The following PCDHA12 variants were observed in gnomAD, a reference collection of about 807,000 sequenced individuals.
The protein encoded by PCDHA12 is protocadherin alpha 12.
Under a neutral mutation model 60.0 loss-of-function variants are expected in PCDHA12, and 44 were observed. The ratio of observed to expected loss-of-function variants is 0.73; its 90% CI spans 0.58 to 0.94. The LOEUF (loss-of-function observed/expected upper bound fraction) is 0.94, where lower values mean the gene tolerates loss of function less well. Ranked by LOEUF, PCDHA12 falls within the 40% of genes least tolerant of loss-of-function variation. The pLI, the probability that PCDHA12 is intolerant of heterozygous loss-of-function variation, is 0.00. For synonymous variants in PCDHA12, 569 were observed against 553.0 expected, an observed-to-expected ratio of 1.03 and a Z score of -0.40; for missense variants, 1,276 against 1,239.7, an observed-to-expected ratio of 1.03 and a Z score of -0.44.
In PCDHA12 at chr5:140,993,460, T is replaced by TCCCA. The variant is rs1554253699; in HGVS notation, c.2515+10898_2515+10899insCCAC. On this transcript the variant is annotated intron_variant, in intron 3 of 3. Transcript: ENST00000398631. Reference sequence around the variant, plus strand: ...TTCATTCCTGTTCTCCTTCTTTCTTTCTCACACACACACACACACACACAC... The same window carrying TCCCA: ...TTCATTCCTGTTCTCCTTCTTTCTTTCCCACTCACACACACACACACACACACAC... Among the ~76,000 whole-genome samples, 30 of 104,506 alleles carry TCCCA rather than the reference T, an allele frequency of 2.9e-4. 1 individual carries two copies. The highest frequency in any genetic ancestry group is 1.1e-3 in the African/African-American group (29 of 25,484). The allele number at this position is 104,506 out of a possible 152,430, so 68.6% of individuals were successfully genotyped here.
intron 3 of PCDHA12, among the ~76,000 whole-genome samples, chr5:140,994,140 A>G (rs768317904): frequency 7.2e-5 from 11 of 152,230 alleles, no homozygotes; most frequent in Non-Finnish European, 1.5e-4. Context: ...ATAATGCCCT[A>G]CGTAGGTAGG....
At chr5:140,953,952 C>T (rs1025145135) in intron 1 of PCDHA12, among the ~76,000 whole-genome samples, 1 of 152,084 alleles carries the variant, frequency 6.6e-6, no homozygotes, top group Non-Finnish European at 1.5e-5. Context: ...GCTCCCCCAA[C>T]AGGCCCCAGT....
chr5:140,938,014 T>C (rs1554211943), intron 1 of PCDHA12, among the ~76,000 whole-genome samples: 6 of 152,220 alleles, frequency 3.9e-5, no homozygotes. Context: ...TCTTGCTAAA[T>C]AGTAAAATCT....
chr5:140,893,929 T>C (rs2064240374), intron 1 of PCDHA12, among the ~76,000 whole-genome samples: 1 of 152,214 alleles, frequency 6.6e-6, no homozygotes, highest in South Asian at 2.1e-4. Flanking sequence ...TCAGAATCTC[T>C]ACCTGTTAAT....
intron 1 of PCDHA12, among the ~76,000 whole-genome samples, chr5:140,910,717 T>C (rs1349205242): frequency 1.3e-5 from 2 of 152,142 alleles, no homozygotes; most frequent in African/African-American, 4.8e-5. Flanking sequence ...CATCTTTTAA[T>C]CCATATTTCA....
At chr5:140,888,321 A>G (rs2061786627) in intron 1 of PCDHA12, among the ~76,000 whole-genome samples, 1 of 152,176 alleles carries the variant, frequency 6.6e-6, no homozygotes, top group Non-Finnish European at 1.5e-5. Flanking sequence ...ATGCCTGGAT[A>G]CATTTTTGGT....
chr5:140,886,996 T>C (rs1554182808), intron 1 of PCDHA12, among the ~76,000 whole-genome samples: 1 of 152,182 alleles, frequency 6.6e-6, no homozygotes, highest in African/African-American at 2.4e-5. Flanking sequence ...AATTTCCAGT[T>C]GGTATCACTT....
chr5:140,935,389 C>T (rs559765340), intron 1 of PCDHA12, among the ~76,000 whole-genome samples: 20 of 152,288 alleles, frequency 1.3e-4, no homozygotes, highest in African/African-American at 4.8e-4. Flanking sequence ...CATTTGTTAT[C>T]CCACGGGACT....
At chr5:140,966,950 G>A (rs782713044) in intron 1 of PCDHA12, 3 of 1,603,480 alleles carry the variant, frequency 1.9e-6, no homozygotes, top group Non-Finnish European at 2.5e-6. Flanking sequence ...GGGCAACGTG[G>A]CTCGCGCGCT....
At chr5:140,936,433 G>A (rs907839925) in intron 1 of PCDHA12, among the ~76,000 whole-genome samples, 4 of 152,126 alleles carry the variant, frequency 2.6e-5, no homozygotes, top group Admixed American at 2.6e-4. Flanking sequence ...ATTAATTTAA[G>A]CTTAAATAAC....
intron 1 of PCDHA12, chr5:140,928,771 A>C: frequency 6.2e-7 from 1 of 1,613,998 alleles, no homozygotes; most frequent in Non-Finnish European, 8.5e-7. Context: ...AGTTCTTCCC[A>C]CTGATGCAGT....
chr5:140,982,882 C>A (rs1554244920), intron 3 of PCDHA12, among the ~76,000 whole-genome samples: 1 of 151,972 alleles, frequency 6.6e-6, no homozygotes, highest in African/African-American at 2.4e-5. Flanking sequence ...CCAAGCCATG[C>A]AGAGAAGATC....
At chr5:140,885,981 G>A (rs536900560) in intron 1 of PCDHA12, among the ~76,000 whole-genome samples, 44 of 151,942 alleles carry the variant, frequency 2.9e-4, no homozygotes, top group African/African-American at 8.4e-4. Context: ...TTATAGATTC[G>A]CATGTGGTTG....
intron 1 of PCDHA12, among the ~76,000 whole-genome samples, chr5:140,977,165 T>C (rs921089293): frequency 1.3e-5 from 2 of 152,156 alleles, no homozygotes; most frequent in Non-Finnish European, 2.9e-5. Context: ...TTCAGCAAAA[T>C]GAGTTTGATG....
chr5:140,877,593 G>A lies in PCDHA12; in HGVS notation c.2121G>A (p.Val707=). Residue 707 remains valine (V), a synonymous_variant, in exon 1 of 4, where the codon GTG becomes GTA. Coordinates refer to ENST00000398631, the MANE Select transcript of PCDHA12 (RefSeq NM_018903.4). ...NVYLIIAICA[V]SSLLVLTLLL... is the part of the protein sequence containing the mutation. ...ACCTCATCATCGCCATCTGTGCGGT[G>A]TCCAGCCTGCTGGTGCTCACGCTGC... The A allele has an allele frequency of 1.2e-6, 2 of 1,613,854 alleles. No individual in the cohort carries two copies. The highest frequency in any genetic ancestry group is 1.7e-6 in the Non-Finnish European group (2 of 1,179,906).
intron 1 of PCDHA12, among the ~76,000 whole-genome samples, chr5:140,910,738 C>G (rs2075147470): frequency 6.6e-6 from 1 of 152,098 alleles, no homozygotes; most frequent in Non-Finnish European, 1.5e-5. Context: ...GCTAACCAAG[C>G]ACATAAATTA....
chr5:140,926,585 G>T, intron 1 of PCDHA12: 1 of 283,896 alleles, frequency 3.5e-6, no homozygotes, highest in Non-Finnish European at 6.5e-6. Flanking sequence ...CACCTCTCGC[G>T]CCCGGGCGGG....
rs782144486 is a variant in PCDHA12, at chr5:140,875,746, C to A, written c.274C>A (p.Arg92Ser). ...TTTGTTTGTGAATTCTCGGATCGAC[C>A]GCGAGAAGCTGTGCGGGCGGAGCGC... is the stretch of plus-strand genomic sequence containing the variant. ...GILFVNSRIDREKLCGRSAEC... is the reference protein window; with the variant it reads ...GILFVNSRIDSEKLCGRSAEC... Residue 92 changes from arginine to serine, a missense_variant, in exon 1 of 4, where the codon CGC becomes AGC. Coordinates refer to ENST00000398631, the MANE Select transcript of PCDHA12 (RefSeq NM_018903.4). 7.4e-6 allele frequency: 12 copies of A among 1,614,096 alleles called. No homozygotes were observed. In the East Asian group the frequency reaches 2.0e-4, roughly 27 times the overall value.
At position 140,875,484 on chromosome 5, in the gene PCDHA12, C is replaced by T. The variant is rs1442383636; in HGVS notation, c.12C>T (p.Ile4=). The T allele has an allele frequency of 1.2e-6, 2 of 1,611,246 alleles. No individual in the cohort carries two copies. The highest frequency in any genetic ancestry group is 1.7e-6 in the Non-Finnish European group (2 of 1,178,432). Residue 4 remains isoleucine, a synonymous_variant, in exon 1 of 4, where the codon ATC becomes ATT. Coordinates refer to ENST00000398631, the MANE Select transcript of PCDHA12 (RefSeq NM_018903.4). ...CCTCATTTTCTGCAATGGTGATTAT[C>T]GGACCAAGAGGCCCGGGATCCCAGC... MVI[I]GPRGPGSQRL...
Sources: allele counts gnomAD v4.1 joint callset (sites outside exome capture counted in the v4.1 genomes callset), GRCh38; gene constraint gnomAD v4.1.1; transcripts MANE v1.5; gene names NCBI Gene and HGNC (gene_info 2026-07-23, HGNC 2026-07-21).